The following CACNA1C variants were observed in gnomAD, a reference collection of about 807,000 sequenced individuals.
CACNA1C encodes calcium voltage-gated channel subunit alpha1 C, also known as voltage-dependent L-type calcium channel subunit alpha-1C.
Under a neutral mutation model 229.0 loss-of-function variants are expected in CACNA1C, and 30 were observed. The ratio of observed to expected loss-of-function variants is 0.13; its 90% CI spans 0.10 to 0.18. The LOEUF (loss-of-function observed/expected upper bound fraction) is 0.18, where lower values mean the gene tolerates loss of function less well. Among genes scored for constraint, CACNA1C ranks in the 10% least tolerant of loss-of-function variants. The pLI is 1.00. For missense variants in CACNA1C, 1,658 were observed against 2,845.0 expected (o/e 0.58, Z 9.49); for synonymous variants, 1,114 against 1,132.5 (o/e 0.98, Z 0.33).
intron 3 of CACNA1C, among the ~76,000 whole-genome samples, chr12:2,253,750 TTAAG>T (rs1216725350): frequency 6.6e-6 from 1 of 152,238 alleles, no homozygotes; most frequent in Non-Finnish European, 1.5e-5. Context: ...CCTACATTGT[TTAAG>T]TAGCGCTTAC....
rs1269349548 is a variant in CACNA1C, at chr12:2,602,146, G to A, written c.2960+186G>A. ...CTGTGTCCTCAGTGGTCTGATACTT[G>A]GGGCACGTTGATCAGGTGAGAATAT... On this transcript the variant is annotated intron_variant, in intron 22 of 46. Coordinates refer to ENST00000399655, the MANE Select transcript of CACNA1C (RefSeq NM_000719.7). This position sits in a 1 kb window ranked among gnomAD's most constrained non-coding sequence, Gnocchi z 4.4. Among the ~76,000 whole-genome samples the A allele has an allele frequency of 6.6e-6, 1 of 152,184 alleles. No homozygotes were observed. Among genetic ancestry groups the A allele is most frequent in the East Asian group, 1.9e-4 (1 of 5,190 alleles).
intron 1 of CACNA1C, among the ~76,000 whole-genome samples, chr12:2,081,229 A>G (rs961149094): frequency 2.8e-4 from 42 of 152,236 alleles, no homozygotes; most frequent in African/African-American, 1.0e-3. Flanking sequence ...TGAATATCAA[A>G]CTAGAATTCT....
At chr12:2,280,214 G>C (rs1474780286) in intron 3 of CACNA1C, among the ~76,000 whole-genome samples, 1 of 128,082 alleles carries the variant, frequency 7.8e-6, no homozygotes, top group Non-Finnish European at 1.6e-5. Context: ...TTGAGACCTT[G>C]CTGTGCTTCG....
intron 3 of CACNA1C, among the ~76,000 whole-genome samples, chr12:2,351,290 C>G (rs533884388): frequency 6.6e-6 from 1 of 152,272 alleles, no homozygotes; most frequent in East Asian, 1.9e-4. Context: ...CGAAGGTGGC[C>G]GAAATCGCCT....
chr12:2,583,178 C>T (rs1411973808), intron 15 of CACNA1C, among the ~76,000 whole-genome samples: 2 of 152,304 alleles, frequency 1.3e-5, no homozygotes, highest in East Asian at 1.9e-4. Flanking sequence ...GGCGGGCTGT[C>T]GCCGTAATCT....
intron 3 of CACNA1C, among the ~76,000 whole-genome samples, chr12:2,307,161 A>T (rs1258817624): frequency 6.6e-6 from 1 of 152,170 alleles, no homozygotes; most frequent in Admixed American, 6.5e-5. Flanking sequence ...AAAGCTGCAA[A>T]TCTGACCTGG....
chr12:2,657,838 A>G (rs2095501476), intron 34 of CACNA1C, among the ~76,000 whole-genome samples: 1 of 152,188 alleles, frequency 6.6e-6, no homozygotes. Context: ...TAGCAGAAGA[A>G]ATAGAATTCC....
At chr12:2,310,369 A>G (rs973989386) in intron 3 of CACNA1C, among the ~76,000 whole-genome samples, 26 of 150,638 alleles carry the variant, frequency 1.7e-4, no homozygotes, top group Admixed American at 6.0e-4. Flanking sequence ...ATATATATAT[A>G]TATGTATGGG....
At chr12:2,106,903 G>A in intron 1 of CACNA1C, among the ~76,000 whole-genome samples, 1 of 74,418 alleles carries the variant, frequency 1.3e-5, no homozygotes, top group Middle Eastern at 8.3e-3. Flanking sequence ...AAGCCACTGG[G>A]CGCCCACCCC....
At chr12:2,336,518 T>C (rs1410860590) in intron 3 of CACNA1C, among the ~76,000 whole-genome samples, 3 of 152,170 alleles carry the variant, frequency 2.0e-5, no homozygotes, top group African/African-American at 7.2e-5. Context: ...CCCAGAGATA[T>C]GTGACTCAGA....
chr12:2,449,611 C>A (rs1812201669), intron 4 of CACNA1C, among the ~76,000 whole-genome samples: 1 of 152,236 alleles, frequency 6.6e-6, no homozygotes, highest in Non-Finnish European at 1.5e-5. Flanking sequence ...TGAATTCAGA[C>A]TTCCCCAGAG....
rs1413553159 is a variant in CACNA1C, at chr12:2,512,603, G to A, written c.1218-209G>A. On this transcript the variant is annotated intron_variant, in intron 8 of 46. Coordinates refer to ENST00000399655, the MANE Select transcript of CACNA1C (RefSeq NM_000719.7). This position sits in a 1 kb window ranked among gnomAD's most constrained non-coding sequence, Gnocchi z 4.3. ...GTGTCAGGAATGTCCCCTTACTGAC[G>A]CTTCCCATCGAGGTGATAGTAGACC... Among the ~76,000 whole-genome samples, 1 of 152,144 alleles carries A rather than the reference G, an allele frequency of 6.6e-6. No homozygotes were observed. The highest frequency in any genetic ancestry group is 1.5e-5 in the Non-Finnish European group (1 of 68,024).
intron 3 of CACNA1C, among the ~76,000 whole-genome samples, chr12:2,252,314 A>G (rs909117457): frequency 1.3e-5 from 2 of 152,194 alleles, no homozygotes; most frequent in African/African-American, 4.8e-5. Flanking sequence ...AGAAAGTCCA[A>G]AAAAGGGCTG....
At chr12:2,234,391 G>C (rs1000745398) in intron 3 of CACNA1C, among the ~76,000 whole-genome samples, 1 of 152,226 alleles carries the variant, frequency 6.6e-6, no homozygotes, top group East Asian at 1.9e-4. Flanking sequence ...TGAGTTGATT[G>C]CCAGGCACTC....
chr12:2,331,822 GTTCTTTT>G (rs142397919), intron 3 of CACNA1C, among the ~76,000 whole-genome samples: 17,906 of 152,118 alleles, frequency 0.12, 2,808 homozygotes, highest in African/African-American at 0.36. Flanking sequence ...ATCCTGGCTT[GTTCTTTT>G]TAAAAAGGTC....
intron 5 of CACNA1C, among the ~76,000 whole-genome samples, chr12:2,475,430 T>C (rs2099621580): frequency 6.6e-6 from 1 of 152,094 alleles, no homozygotes; most frequent in African/African-American, 2.4e-5. Flanking sequence ...CCACAGGGAA[T>C]TGAGATATTG....
At chr12:2,155,406 G>T (rs1206132633) in intron 3 of CACNA1C, among the ~76,000 whole-genome samples, 1 of 147,606 alleles carries the variant, frequency 6.8e-6, no homozygotes, top group East Asian at 2.0e-4. Flanking sequence ...TATATGAAAA[G>T]AAAAAAAAAA....
At chr12:2,155,242 A>C (rs1193240499) in intron 3 of CACNA1C, among the ~76,000 whole-genome samples, 1 of 152,140 alleles carries the variant, frequency 6.6e-6, no homozygotes, top group Non-Finnish European at 1.5e-5. Flanking sequence ...TGTGGGATTG[A>C]TGGACCTGTG....
chr12:2,064,640 T>C (rs2058697114), intron 1 of CACNA1C, among the ~76,000 whole-genome samples: 1 of 151,384 alleles, frequency 6.6e-6, no homozygotes, highest in African/African-American at 2.4e-5. Flanking sequence ...GGGGAGAAAA[T>C]TGGGAAAGGA....
Sources: allele counts gnomAD v4.1 joint callset (sites outside exome capture counted in the v4.1 genomes callset), GRCh38; gene constraint gnomAD v4.1.1; non-coding constraint Gnocchi (gnomAD v3.1); transcripts MANE v1.5; gene names NCBI Gene and HGNC (gene_info 2026-07-23, HGNC 2026-07-21).